The following SAC3D1 variants were observed in gnomAD, a reference collection of about 807,000 sequenced individuals.
SAC3D1 encodes the protein SAC3 domain containing 1.
A neutral mutation model predicts 12.7 loss-of-function variants in SAC3D1; 10 were observed. The observed-to-expected ratio is 0.79, with a 90% CI of 0.49 to 1.34. SAC3D1 has a LOEUF of 1.34. Among genes scored for constraint, SAC3D1 ranks in the 40% most tolerant of loss-of-function variants. The pLI is 0.00. For synonymous variants in SAC3D1, 241 were observed against 250.8 expected, an observed-to-expected ratio of 0.96 and a Z score of 0.37; for missense variants, 482 against 531.1, an observed-to-expected ratio of 0.91 and a Z score of 0.91.
In SAC3D1 at chr11:65,041,783, C is replaced by G. The variant is rs1162530115; in HGVS notation, c.491C>G (p.Ser164Trp). 7.0e-7 allele frequency: 1 copy of G among 1,423,702 alleles called. No homozygotes were observed. The highest frequency in any genetic ancestry group is 9.1e-7 in the Non-Finnish European group (1 of 1,094,476). 88.2% of individuals were successfully genotyped at this position (1,423,702 alleles called of 1,614,324 possible). A position where few individuals can be genotyped will look rare whatever the true frequency, so the allele number is the denominator to read the frequency against. ...LQAQVQEGFG[S>W]LRRCYARGAG... ...GCCCAGGTGCAGGAGGGCTTCGGCTCGCTGCGGCGCTGCTACGCGCGGGGC... is the reference window on the plus strand; with the variant it reads ...GCCCAGGTGCAGGAGGGCTTCGGCTGGCTGCGGCGCTGCTACGCGCGGGGC... Residue 164 changes from serine (S) to tryptophan (W), a missense_variant, in exon 1 of 2, where the codon TCG becomes TGG. Transcript: ENST00000652489.
At chr11:65,043,939 C>G (rs1565211802) in intron 1 of SAC3D1, among the ~76,000 whole-genome samples, 1 of 152,158 alleles carries the variant, frequency 6.6e-6, no homozygotes, top group Non-Finnish European at 1.5e-5. Flanking sequence ...CACTCTCAGG[C>G]GAATCATTCA....
Position 65,041,397 on chromosome 11 carries a change from G to T in SAC3D1, c.105G>T (p.Val35=), listed in dbSNP as rs917696914. 4 of 1,507,114 alleles carry T rather than the reference G, an allele frequency of 2.7e-6. No homozygotes were observed. The highest frequency in any genetic ancestry group is 1.8e-6 in the Non-Finnish European group (2 of 1,134,878). The allele number at this position is 1,507,114 out of a possible 1,614,324, so 93.4% of individuals were successfully genotyped here. The change falls in exon 1 of 2, where the codon GTG becomes GTT. Residue 35 remains valine, a synonymous_variant. Coordinates refer to ENST00000652489, the MANE Select transcript of SAC3D1 (RefSeq NM_013299.4). ...ACCGCCTGCACCGCTTGGAGGTGGT[G>T]CCGGGTTGCCGCCAGGACCCGCCCC... ...REHRLHRLEV[V]PGCRQDPPRA...
Position 65,041,276 on chromosome 11 carries a change from C to T in SAC3D1, c.-17C>T, listed in dbSNP as rs1946590443. On this transcript the variant is annotated 5_prime_UTR_variant, in exon 1 of 2. Coordinates refer to ENST00000652489, the MANE Select transcript of SAC3D1 (RefSeq NM_013299.4). ...CCCCGGGATGCTGAGCGCCCACCGT[C>T]TCCCCGCAGCCCCCTCATGCCCGGC... The T allele has an allele frequency of 6.7e-7, 1 of 1,492,918 alleles. No individual in the cohort carries two copies. Among genetic ancestry groups the T allele is most frequent in the Non-Finnish European group, 8.9e-7 (1 of 1,129,164 alleles). 92.5% of individuals were successfully genotyped at this position (1,492,918 alleles called of 1,614,324 possible).
chr11:65,041,613 T>G lies in SAC3D1; in HGVS notation c.321T>G (p.Ala107=). 8.2e-6 allele frequency: 12 copies of G among 1,470,750 alleles called. No individual in the cohort carries two copies. Among genetic ancestry groups the G allele is most frequent in the Non-Finnish European group, 8.1e-6 (9 of 1,116,234 alleles). The allele number at this position is 1,470,750 out of a possible 1,614,324, so 91.1% of individuals were successfully genotyped here. Reference sequence around the variant, plus strand: ...GCTTCGTGGCAGACCGCTTGCGAGCTGTGCTCCTGGACCTGGCGCTGCAGG... The same window carrying G: ...GCTTCGTGGCAGACCGCTTGCGAGCGGTGCTCCTGGACCTGGCGCTGCAGG... ...VASFVADRLR[A]VLLDLALQGA... is the part of the protein sequence containing the mutation. The change falls in exon 1 of 2, where the codon GCT becomes GCG. Residue 107 remains alanine (A), a synonymous_variant. Coordinates refer to ENST00000652489, the MANE Select transcript of SAC3D1 (RefSeq NM_013299.4).
In SAC3D1 at chr11:65,042,121, T is replaced by G. The variant is rs943399338; in HGVS notation, c.574+255T>G. Among the ~76,000 whole-genome samples, 8 of 148,384 alleles carry G rather than the reference T, an allele frequency of 5.4e-5. 1 individual carries two copies. Among genetic ancestry groups the G allele is most frequent in the Admixed American group, 5.4e-4 (8 of 14,886 alleles). On this transcript the variant is annotated intron_variant, in intron 1 of 1. Transcript: ENST00000652489. ...AGTGATTTTCAAACTTTTTTTTTTTTGAGTCTCGCTCTGTCGCCCAGGCTG... is the reference window on the plus strand; with the variant it reads ...AGTGATTTTCAAACTTTTTTTTTTTGGAGTCTCGCTCTGTCGCCCAGGCTG...
At chr11:65,041,023 A>G (rs939400080), upstream of SAC3D1, 2 of 524,442 alleles carry the variant, frequency 3.8e-6, no homozygotes, top group Non-Finnish European at 6.7e-6. Flanking sequence ...GGGGGCCGTT[A>G]GCCGCCCTAG....
rs866875672 is a variant in SAC3D1 at position 65,042,200 on chromosome 11, C to T, written c.574+334C>T. The stretch of plus-strand genomic sequence containing the variant: ...GCAACCTCCGCCTCCCTGGGTCAAG[C>T]GATTCTTCTGCCTCAGCCTCCTGAG... On this transcript the variant is annotated intron_variant, in intron 1 of 1. Coordinates refer to ENST00000652489, the MANE Select transcript of SAC3D1 (RefSeq NM_013299.4). Among the ~76,000 whole-genome samples the T allele has an allele frequency of 9.9e-4, 150 of 151,702 alleles. 1 individual carries two copies. The highest frequency in any genetic ancestry group is 1.5e-3 in the Non-Finnish European group (99 of 67,896).
chr11:65,042,421 G>A (rs1232414003), intron 1 of SAC3D1, among the ~76,000 whole-genome samples: 2 of 151,848 alleles, frequency 1.3e-5, no homozygotes, highest in Non-Finnish European at 2.9e-5. Flanking sequence ...TAACCTCCCC[G>A]CCCAGTCAGG....
At chr11:65,042,375 G>C (rs1428998819) in intron 1 of SAC3D1, among the ~76,000 whole-genome samples, 2 of 151,886 alleles carry the variant, frequency 1.3e-5, no homozygotes, top group Admixed American at 6.6e-5. Flanking sequence ...GATTACAGGC[G>C]TGAGCCACCG....
At chr11:65,042,849 G>GT (rs1946633768) in intron 1 of SAC3D1, among the ~76,000 whole-genome samples, 2 of 150,916 alleles carry the variant, frequency 1.3e-5, no homozygotes, top group East Asian at 3.9e-4. Context: ...GCCTGTTTGT[G>GT]TTTTTTGAGA....
At chr11:65,042,628 G>T (rs917603517) in intron 1 of SAC3D1, among the ~76,000 whole-genome samples, 1 of 150,962 alleles carries the variant, frequency 6.6e-6, no homozygotes. Flanking sequence ...TGCAACCTCC[G>T]CCTCCCGGGT....
upstream of SAC3D1, chr11:65,041,201 C>A (rs1210569471): frequency 1.7e-6 from 2 of 1,183,452 alleles, no homozygotes; most frequent in Non-Finnish European, 2.2e-6. Flanking sequence ...CCCGACCCGC[C>A]GCTCCCCACC....
At position 65,044,731 on chromosome 11, in the gene SAC3D1, G is replaced by C; in HGVS notation, c.*4G>C. 1 of 1,609,906 alleles carries C rather than the reference G, an allele frequency of 6.2e-7. No homozygotes were observed. Among genetic ancestry groups the C allele is most frequent in the Non-Finnish European group, 8.5e-7 (1 of 1,177,936 alleles). Reference sequence around the variant, plus strand: ...CAGACCTGGGTCCCCAGCCTGAGGAGGGAGCGTGAGCCTCCCAGAGCCCCA... The same window carrying C: ...CAGACCTGGGTCCCCAGCCTGAGGACGGAGCGTGAGCCTCCCAGAGCCCCA... On this transcript the variant is annotated 3_prime_UTR_variant, in exon 2 of 2. Transcript: ENST00000652489. The surrounding 1 kb of genome is among the most constrained non-coding windows in gnomAD (Gnocchi z 4.0).
intron 1 of SAC3D1, chr11:65,043,178 G>C (rs1459468151): frequency 9.0e-6 from 3 of 334,856 alleles, no homozygotes. Context: ...ATTATCCCTG[G>C]TCTAGTGGGG....
chr11:65,044,593 G>A lies in SAC3D1; in HGVS notation c.943G>A (p.Val315Met), dbSNP rs374390193. The change falls in exon 2 of 2, where the codon GTG becomes ATG. Residue 315 changes from valine to methionine, a missense_variant. This residue lies in a region of SAC3D1 where 225 missense variants were observed against 241.1 expected (regional missense o/e 0.93). Coordinates refer to ENST00000652489, the MANE Select transcript of SAC3D1 (RefSeq NM_013299.4). This position sits in a 1 kb window ranked among gnomAD's most constrained non-coding sequence, Gnocchi z 4.0. ...AGTTGTGTTCCTGAGGGGTCGCTAC[G>A]TGGAGGAAGGGCTACCGCCTGCCAG... ...ERVVFLRGRY[V>M]EEGLPPASTC... 5.0e-6 allele frequency: 8 copies of A among 1,614,094 alleles called. No individual in the cohort carries two copies. Among genetic ancestry groups the A allele is most frequent in the South Asian group, 1.1e-5 (1 of 91,090 alleles).
At chr11:65,043,014 T>A in intron 1 of SAC3D1, 2 of 432,496 alleles carry the variant, frequency 4.6e-6, no homozygotes, top group Non-Finnish European at 9.3e-6. Flanking sequence ...TTAAAAAAAT[T>A]TTTTTTGTAG....
In SAC3D1 at chr11:65,044,491, C is replaced by T; in HGVS notation, c.841C>T (p.Leu281Phe). 1 of 1,614,134 alleles carries T rather than the reference C, an allele frequency of 6.2e-7. No homozygotes were observed. The highest frequency in any genetic ancestry group is 8.5e-7 in the Non-Finnish European group (1 of 1,180,042). The change falls in exon 2 of 2, where the codon CTC (leucine) becomes TTC (phenylalanine). Residue 281 changes from leucine to phenylalanine, a missense_variant. Physicochemically the swap from Leu to Phe is conservative, Grantham distance 22. Transcript: ENST00000652489. The surrounding 1 kb of genome is among the most constrained non-coding windows in gnomAD (Gnocchi z 4.0). ...QTLPLGFMVN[L>F]LALDGLREAR... is the part of the protein sequence containing the mutation. The stretch of plus-strand genomic sequence containing the variant: ...CTTGCCTCTGGGCTTCATGGTCAAC[C>T]TCTTGGCCCTGGATGGACTCAGGGA...
intron 1 of SAC3D1, among the ~76,000 whole-genome samples, chr11:65,043,461 A>AGT: frequency 6.6e-6 from 1 of 151,894 alleles, no homozygotes; most frequent in Non-Finnish European, 1.5e-5. Flanking sequence ...TCTACTAAAA[A>AGT]TGCAGAAATT....
rs535813274 is a variant in SAC3D1 at position 65,041,884 on chromosome 11, C to T, written c.574+18C>T. ...TAACCTGGGTGAGTCGGGATCCTGG[C>T]GGCTGGGCAGAGCGTGGGGACAGGA... On this transcript the variant is annotated intron_variant, in intron 1 of 1. Transcript: ENST00000652489. The T allele has an allele frequency of 2.8e-6, 4 of 1,418,518 alleles. No homozygotes were observed. The highest frequency in any genetic ancestry group is 1.4e-5 in the South Asian group (1 of 69,778). The allele number at this position is 1,418,518 out of a possible 1,614,324, so 87.9% of individuals were successfully genotyped here.
Sources: gnomAD v4.1 joint callset for allele counts (sites outside exome capture counted in the v4.1 genomes callset) on GRCh38, gnomAD v4.1.1 for gene constraint, gnomAD v4.1.1 regional missense constraint, Gnocchi (gnomAD v3.1) non-coding constraint, MANE v1.5 for transcripts, NCBI Gene and HGNC (gene_info 2026-07-23, HGNC 2026-07-21) for gene names.